ARB2A: variants seen among roughly 807,000 people sequenced by gnomAD.
ARB2A encodes the protein ARB2 cotranscriptional regulator A.
the ARB2A span, among the ~76,000 whole-genome samples, chr5:94,107,429 CA>C: frequency 6.7e-6 from 1 of 150,198 alleles, no homozygotes; most frequent in Non-Finnish European, 1.5e-5. Flanking sequence ...TAAACTAAAG[CA>C]AAGTAATTGA....
At chr5:94,102,068 A>G in the ARB2A span, among the ~76,000 whole-genome samples, 1 of 151,710 alleles carries the variant, frequency 6.6e-6, no homozygotes, top group Non-Finnish European at 1.5e-5. Flanking sequence ...TAACTATGTT[A>G]TATCATAGGA....
chr5:94,104,086 A>T, the ARB2A span, among the ~76,000 whole-genome samples: 4 of 150,956 alleles, frequency 2.6e-5, no homozygotes, highest in Non-Finnish European at 3.0e-5. Flanking sequence ...ACCTAAAATC[A>T]CACCTAGAGC....
chr5:93,894,254 A>C, the ARB2A span, among the ~76,000 whole-genome samples: 4 of 152,166 alleles, frequency 2.6e-5, no homozygotes, highest in Non-Finnish European at 5.9e-5. Flanking sequence ...ATTTATCTCT[A>C]TAATTACATT....
chr5:93,824,027 A>C, the ARB2A span: 1 of 748,386 alleles, frequency 1.3e-6, no homozygotes, highest in Non-Finnish European at 1.9e-6. Context: ...TTATTTACTC[A>C]AAATATGTTA....
chr5:94,091,277 G>C, the ARB2A span, among the ~76,000 whole-genome samples: 2 of 152,158 alleles, frequency 1.3e-5, no homozygotes, highest in Non-Finnish European at 2.9e-5. Context: ...GTTCTTAGCA[G>C]TTATTGCAGT....
chr5:93,812,427 G>A, the ARB2A span, among the ~76,000 whole-genome samples: 1 of 152,102 alleles, frequency 6.6e-6, no homozygotes, highest in Non-Finnish European at 1.5e-5. Flanking sequence ...TCGGCAGACA[G>A]GCTACTAGAA....
chr5:93,809,921 T>C, the ARB2A span, among the ~76,000 whole-genome samples: 1 of 152,050 alleles, frequency 6.6e-6, no homozygotes, highest in Non-Finnish European at 1.5e-5. Context: ...AAAAACAATT[T>C]TAGAATATTA....
chr5:93,634,234 T>C, the ARB2A span, among the ~76,000 whole-genome samples: 2 of 151,684 alleles, frequency 1.3e-5, no homozygotes, highest in African/African-American at 4.8e-5. Context: ...ACCCCGTCTC[T>C]ACTAAAAATA....
At chr5:93,741,060 C>T in the ARB2A span, 1 of 1,613,890 alleles carries the variant, frequency 6.2e-7, no homozygotes, top group Non-Finnish European at 8.5e-7. Context: ...GCTGCTGGGC[C>T]TCGAAGCGGC....
chr5:93,909,719 T>A, the ARB2A span, among the ~76,000 whole-genome samples: 2 of 150,944 alleles, frequency 1.3e-5, no homozygotes, highest in Non-Finnish European at 3.0e-5. Flanking sequence ...CTATTAAAAT[T>A]TTCAGTTTTT....
chr5:94,049,440 G>A, the ARB2A span, among the ~76,000 whole-genome samples: 1 of 152,242 alleles, frequency 6.6e-6, no homozygotes, highest in African/African-American at 2.4e-5. Context: ...GCTCACACCT[G>A]TAATCCCAGT....
the ARB2A span, among the ~76,000 whole-genome samples, chr5:93,835,717 AGTAT>A: frequency 5.3e-4 from 81 of 152,310 alleles, no homozygotes; most frequent in African/African-American, 1.9e-3. Context: ...TATGTATATA[AGTAT>A]GTATGTGTAC....
At chr5:93,834,178 T>A in the ARB2A span, among the ~76,000 whole-genome samples, 16 of 151,770 alleles carry the variant, frequency 1.1e-4, no homozygotes, top group Non-Finnish European at 1.5e-5. Flanking sequence ...GAAGAAAGAG[T>A]AATAAGTGAT....
the ARB2A span, among the ~76,000 whole-genome samples, chr5:93,678,742 C>A: frequency 1.3e-5 from 2 of 150,118 alleles, no homozygotes; most frequent in Non-Finnish European, 3.0e-5. Flanking sequence ...GGTAACAGAG[C>A]AAGACTTCGT....
the ARB2A span, among the ~76,000 whole-genome samples, chr5:93,628,897 A>T: frequency 6.6e-6 from 1 of 152,214 alleles, no homozygotes; most frequent in African/African-American, 2.4e-5. Flanking sequence ...CTTTCTTATC[A>T]TTCATGTGTT....
chr5:93,654,541 G>T, the ARB2A span, among the ~76,000 whole-genome samples: 10 of 152,100 alleles, frequency 6.6e-5, no homozygotes, highest in African/African-American at 2.4e-4. Context: ...TAGATATCAT[G>T]ATATTTTTAA....
At chr5:94,062,422 CA>C in the ARB2A span, among the ~76,000 whole-genome samples, 7 of 152,002 alleles carry the variant, frequency 4.6e-5, no homozygotes, top group Admixed American at 1.3e-4. Flanking sequence ...AAGAAACACC[CA>C]AAAAGCAAAG....
At chr5:93,714,058 T>C in the ARB2A span, among the ~76,000 whole-genome samples, 3 of 152,182 alleles carry the variant, frequency 2.0e-5, no homozygotes, top group Middle Eastern at 3.2e-3. Context: ...GCTGGAAAAA[T>C]ATATTTTTTT....
the ARB2A span, among the ~76,000 whole-genome samples, chr5:93,990,155 T>TA: frequency 1.3e-5 from 2 of 151,954 alleles, no homozygotes; most frequent in East Asian, 3.9e-4. Flanking sequence ...TATCTTACCT[T>TA]AAAAAAAGTA....
Sources: allele counts gnomAD v4.1 joint callset (sites outside exome capture counted in the v4.1 genomes callset), GRCh38; gene constraint gnomAD v4.1.1; transcripts MANE v1.5; gene names NCBI Gene and HGNC (gene_info 2026-07-23, HGNC 2026-07-21).